The following MTUS2 variants were observed in gnomAD, a reference collection of about 807,000 sequenced individuals.
The protein encoded by MTUS2 is microtubule associated scaffold protein 2, also known as microtubule-associated tumor suppressor candidate 2.
In MTUS2, 40 loss-of-function variants were observed where a neutral mutation model predicts 114.1. That is an observed-to-expected ratio of 0.35 (90% CI 0.27 to 0.46). The LOEUF (loss-of-function observed/expected upper bound fraction) is 0.46, where lower values mean the gene tolerates loss of function less well. MTUS2 is among the 20% of genes least tolerant of loss of function. MTUS2 has a pLI of 1.00. For missense variants in MTUS2, 1,679 were observed against 1,705.4 expected (o/e 0.98, Z 0.27); for synonymous variants, 688 against 672.0 (o/e 1.02, Z -0.37).
At chr13:29,061,198 T>C (rs1888402453) in intron 4 of MTUS2, among the ~76,000 whole-genome samples, 1 of 152,236 alleles carries the variant, frequency 6.6e-6, no homozygotes. Context: ...TTGAACTCAT[T>C]CTGGCAGGTA....
intron 5 of MTUS2, among the ~76,000 whole-genome samples, chr13:29,159,481 C>T (rs577291451): frequency 6.6e-5 from 10 of 151,490 alleles, no homozygotes; most frequent in East Asian, 1.9e-4. Context: ...AAGCATGATC[C>T]GGAAAAGAAA....
Position 28,999,512 on chromosome 13 carries a change from A to G in MTUS2, c.-242-24945A>G, listed in dbSNP as rs111741429. ...AAGTTTTACTTGTAATTGACAAATAATATACATATTTATGGGGTACCATGT... is the reference window on the plus strand; with the variant it reads ...AAGTTTTACTTGTAATTGACAAATAGTATACATATTTATGGGGTACCATGT... On this transcript the variant is annotated intron_variant, in intron 2 of 15. Transcript: ENST00000612955. Among the ~76,000 whole-genome samples, 595 of 152,330 alleles carry G rather than the reference A, an allele frequency of 3.9e-3. 5 individuals are homozygous for G. Among genetic ancestry groups the G allele is most frequent in the African/African-American group, 0.014 (564 of 41,566 alleles).
At chr13:29,222,718 G>A (rs1263393213) in intron 5 of MTUS2, among the ~76,000 whole-genome samples, 3 of 152,230 alleles carry the variant, frequency 2.0e-5, no homozygotes, top group Admixed American at 6.5e-5. Flanking sequence ...CCCAACCATG[G>A]CTGTGGACCC....
intron 5 of MTUS2, among the ~76,000 whole-genome samples, chr13:29,110,431 T>TAAAATAAG (rs1890838925): frequency 6.6e-6 from 1 of 152,164 alleles, no homozygotes; most frequent in Non-Finnish European, 1.5e-5. Context: ...GAACAAAAAC[T>TAAAATAAG]AAAATAAGCT....
chr13:28,917,253 G>GT (rs1388803244), intron 2 of MTUS2, among the ~76,000 whole-genome samples: 1 of 151,778 alleles, frequency 6.6e-6, no homozygotes, highest in Non-Finnish European at 1.5e-5. Context: ...TTTGGTTTTG[G>GT]TATCAGGGTA....
At chr13:29,011,359 T>C (rs1317136554) in intron 2 of MTUS2, among the ~76,000 whole-genome samples, 1 of 152,164 alleles carries the variant, frequency 6.6e-6, no homozygotes, top group Non-Finnish European at 1.5e-5. Flanking sequence ...AAGACAGTTT[T>C]CCCCCCTTGC....
chr13:29,383,252 G>GTGTGTGTGTGTGTGTATT (rs5802519), intron 8 of MTUS2, among the ~76,000 whole-genome samples: 10,943 of 135,738 alleles, frequency 0.081, 582 homozygotes, highest in Non-Finnish European at 0.12. Flanking sequence ...GTGTGTGTGT[G>GTGTGTGTGTGTGTGTATT]TATTTATTTT....
At chr13:29,491,007 GGTGTGGGAGGTATGGGGGGATGCGGGTT>G (rs1161416252) in intron 11 of MTUS2, among the ~76,000 whole-genome samples, 1,795 of 133,800 alleles carry the variant, frequency 0.013, 35 homozygotes, top group African/African-American at 0.045. Context: ...GTGTGTGTGT[GGTGTGGGAGGTATGGGGGGATGCGGGTT>G]TGTGTGTGTG....
chr13:29,378,672 G>T (rs1871948674), intron 8 of MTUS2, among the ~76,000 whole-genome samples: 1 of 152,166 alleles, frequency 6.6e-6, no homozygotes. Flanking sequence ...TTCACCTTCA[G>T]TTAGATGGAA....
At chr13:29,176,095 T>C (rs1374966175) in intron 5 of MTUS2, among the ~76,000 whole-genome samples, 2 of 152,196 alleles carry the variant, frequency 1.3e-5, no homozygotes. Context: ...ATGATTTTGC[T>C]ACTTCAAGGT....
intron 5 of MTUS2, among the ~76,000 whole-genome samples, chr13:29,137,212 A>T (rs1892016002): frequency 1.3e-5 from 2 of 152,126 alleles, no homozygotes; most frequent in Non-Finnish European, 2.9e-5. Flanking sequence ...TCTGATGTGA[A>T]ATCTGCTGAT....
intron 5 of MTUS2, among the ~76,000 whole-genome samples, chr13:29,199,658 TG>T (rs1410584550): frequency 2.0e-5 from 3 of 152,156 alleles, no homozygotes; most frequent in African/African-American, 7.2e-5. Context: ...TTTCTTTTTT[TG>T]TTGTGTCTCT....
At chr13:29,231,744 CAT>C (rs1896333566) in intron 5 of MTUS2, among the ~76,000 whole-genome samples, 3 of 152,114 alleles carry the variant, frequency 2.0e-5, no homozygotes, top group Non-Finnish European at 4.4e-5. Flanking sequence ...TCTTTTTTCT[CAT>C]GTTATTAAGT....
intron 2 of MTUS2, among the ~76,000 whole-genome samples, chr13:28,873,845 T>A (rs1462558010): frequency 6.6e-6 from 1 of 152,212 alleles, no homozygotes; most frequent in Non-Finnish European, 1.5e-5. Flanking sequence ...GGAAAATTGA[T>A]TATTTTTACA....
intron 8 of MTUS2, among the ~76,000 whole-genome samples, chr13:29,401,185 C>T (rs1024974220): frequency 5.3e-5 from 8 of 152,108 alleles, no homozygotes; most frequent in East Asian, 1.9e-4. Flanking sequence ...ACGGTCTCAC[C>T]GTGTCGGCCA....
chr13:28,966,723 TCAAAA>T (rs1883604022), intron 2 of MTUS2, among the ~76,000 whole-genome samples: 1 of 20,304 alleles, frequency 4.9e-5, no homozygotes, highest in Admixed American at 6.3e-4. Flanking sequence ...AGACCCTGTC[TCAAAA>T]AAAAAAAAAA....
chr13:29,439,896 C>A, intron 8 of MTUS2, 87 bp from the exon 9 acceptor site: 2 of 1,031,076 alleles, frequency 1.9e-6, no homozygotes, highest in Non-Finnish European at 3.0e-6. Flanking sequence ...TAAATATTTG[C>A]TTAATACGAT....
chr13:28,999,744 C>T (rs894411636), intron 2 of MTUS2, among the ~76,000 whole-genome samples: 3 of 152,142 alleles, frequency 2.0e-5, no homozygotes, highest in African/African-American at 7.2e-5. Flanking sequence ...TAACTTTGTA[C>T]CCATTGACTA....
rs139924302 is a variant in MTUS2, at chr13:29,281,198, G to T, written c.2645-506G>T. On this transcript the variant is annotated intron_variant, in intron 5 of 15. Transcript: ENST00000612955. ...CCTTCATCCCAAGCCTCCTCTTCTGGAGGTGAAATGAGCGAGATTTCAGGG... is the reference window on the plus strand; with the variant it reads ...CCTTCATCCCAAGCCTCCTCTTCTGTAGGTGAAATGAGCGAGATTTCAGGG... 3.2e-3 allele frequency among the ~76,000 whole-genome samples: 481 copies of T among 152,212 alleles called. 3 individuals are homozygous for T. The highest frequency in any genetic ancestry group is 0.011 in the African/African-American group (465 of 41,528).
Sources: gnomAD v4.1 joint callset for allele counts (sites outside exome capture counted in the v4.1 genomes callset) on GRCh38, gnomAD v4.1.1 for gene constraint, MANE v1.5 for transcripts, NCBI Gene and HGNC (gene_info 2026-07-23, HGNC 2026-07-21) for gene names.